Variants in FCHSD2 observed in about 807,000 individuals in gnomAD.
The protein encoded by FCHSD2 is FCH and double SH3 domains 2.
A neutral mutation model predicts 108.1 loss-of-function variants in FCHSD2; 38 were observed. The ratio of observed to expected loss-of-function variants is 0.35; its 90% CI spans 0.27 to 0.46. The LOEUF is 0.46. FCHSD2 is among the 20% of genes least tolerant of loss of function. FCHSD2 has a pLI of 1.00. For synonymous variants in FCHSD2, 279 were observed against 314.7 expected (o/e 0.89, Z 1.20); for missense variants, 751 against 897.8 (o/e 0.84, Z 2.09).
intron 12 of FCHSD2, among the ~76,000 whole-genome samples, chr11:72,868,885 T>A (rs1442998399): frequency 1.3e-5 from 2 of 152,110 alleles, no homozygotes; most frequent in African/African-American, 4.8e-5. Flanking sequence ...TAGCTTTTAC[T>A]TTTTAAGTTA....
intron 3 of FCHSD2, among the ~76,000 whole-genome samples, chr11:73,049,245 G>A (rs1455154836): frequency 6.6e-6 from 1 of 152,072 alleles, no homozygotes; most frequent in South Asian, 2.1e-4. Context: ...TGAGTGCCCA[G>A]TATATATGAA....
intron 10 of FCHSD2, among the ~76,000 whole-genome samples, chr11:72,901,870 T>C (rs1375976176): frequency 2.6e-5 from 4 of 152,090 alleles, no homozygotes; most frequent in Non-Finnish European, 4.4e-5. Flanking sequence ...TTCTGGTTTT[T>C]TTTTTGTTTG....
intron 9 of FCHSD2, among the ~76,000 whole-genome samples, chr11:72,907,318 C>G (rs543911195): frequency 2.7e-4 from 41 of 152,048 alleles, no homozygotes; most frequent in Non-Finnish European, 5.7e-4. Context: ...AATTGAATAC[C>G]CTTTATTTCT....
At chr11:72,935,639 A>C (rs1472688878) in intron 8 of FCHSD2, among the ~76,000 whole-genome samples, 2 of 152,242 alleles carry the variant, frequency 1.3e-5, no homozygotes, top group African/African-American at 2.4e-5. Flanking sequence ...TTTACAAGAA[A>C]TCAAAACAAG....
chr11:72,949,473 G>C (rs1856582473), intron 8 of FCHSD2, among the ~76,000 whole-genome samples: 1 of 151,462 alleles, frequency 6.6e-6, no homozygotes, highest in African/African-American at 2.4e-5. Context: ...GAAAAGAAAA[G>C]AAAGGAAAGA....
At chr11:72,896,988 G>A (rs954217441) in intron 10 of FCHSD2, among the ~76,000 whole-genome samples, 6 of 151,734 alleles carry the variant, frequency 4.0e-5, no homozygotes, top group East Asian at 3.9e-4. Flanking sequence ...CACCACGCCC[G>A]GCTAATTTTT....
intron 8 of FCHSD2, among the ~76,000 whole-genome samples, chr11:72,933,157 C>T (rs1237622473): frequency 2.0e-5 from 3 of 152,122 alleles, no homozygotes; most frequent in African/African-American, 7.2e-5. Context: ...GGCAGATATG[C>T]AAGACAGAAC....
At chr11:72,927,674 G>A (rs1591405540) in intron 8 of FCHSD2, among the ~76,000 whole-genome samples, 1 of 152,262 alleles carries the variant, frequency 6.6e-6, no homozygotes, top group East Asian at 1.9e-4. Context: ...CACTGGCCTG[G>A]GACCATACTT....
intron 8 of FCHSD2, among the ~76,000 whole-genome samples, chr11:72,967,302 G>A (rs1458550198): frequency 6.6e-6 from 1 of 152,048 alleles, no homozygotes; most frequent in Non-Finnish European, 1.5e-5. Flanking sequence ...TGTAGTGGGG[G>A]AAATAGATGA....
chr11:72,846,169 C>G (rs563862794), intron 14 of FCHSD2, among the ~76,000 whole-genome samples: 8 of 151,468 alleles, frequency 5.3e-5, no homozygotes, highest in Non-Finnish European at 1.2e-4. Flanking sequence ...GTAAGCTGCT[C>G]CTCCTTTTGC....
chr11:72,913,404 G>A (rs1366517591), intron 9 of FCHSD2, among the ~76,000 whole-genome samples: 1 of 152,170 alleles, frequency 6.6e-6, no homozygotes, highest in Non-Finnish European at 1.5e-5. Context: ...GAGCAGCTGG[G>A]ATTTCAGGCA....
intron 14 of FCHSD2, among the ~76,000 whole-genome samples, chr11:72,848,358 C>G (rs115480895): frequency 5.3e-4 from 80 of 152,332 alleles, no homozygotes; most frequent in African/African-American, 1.9e-3. Context: ...ACCTGCTGTT[C>G]TCTTTGCTTA....
chr11:72,838,668 T>C lies in FCHSD2; in HGVS notation c.*123A>G, dbSNP rs980132116. ...GTCTACCAGGCCACCCAGTCACACA[T>C]AATCCTCCTTGTTTTTTGCTCTGTT... On this transcript the variant is annotated 3_prime_UTR_variant, in exon 20 of 20. Transcript: ENST00000409418. 1.8e-5 allele frequency: 14 copies of C among 777,976 alleles called. No homozygotes were observed. The highest frequency in any genetic ancestry group is 2.2e-5 in the Non-Finnish European group (10 of 463,380). 48.2% of individuals were successfully genotyped at this position (777,976 alleles called of 1,614,324 possible). A position where few individuals can be genotyped will look rare whatever the true frequency, so the allele number is the denominator to read the frequency against.
intron 3 of FCHSD2, among the ~76,000 whole-genome samples, chr11:73,040,033 G>A (rs1858596716): frequency 6.6e-6 from 1 of 152,146 alleles, no homozygotes; most frequent in Non-Finnish European, 1.5e-5. Flanking sequence ...GAGGACTTAC[G>A]TTGAACACAA....
chr11:73,012,425 G>T (rs896785092), intron 4 of FCHSD2, among the ~76,000 whole-genome samples: 3 of 152,208 alleles, frequency 2.0e-5, no homozygotes, highest in African/African-American at 7.2e-5. Flanking sequence ...GTGAATGGAA[G>T]ATGCTTGGGA....
chr11:72,895,488 G>C (rs1855399389), intron 10 of FCHSD2, among the ~76,000 whole-genome samples: 1 of 152,122 alleles, frequency 6.6e-6, no homozygotes, highest in Non-Finnish European at 1.5e-5. Flanking sequence ...TATTTTGGTA[G>C]CTCTCACAGA....
chr11:73,059,322 T>C (rs567816148), intron 3 of FCHSD2, among the ~76,000 whole-genome samples: 1 of 152,262 alleles, frequency 6.6e-6, no homozygotes, highest in South Asian at 2.1e-4. Context: ...TTTTACACTA[T>C]AAAGTTGTTT....
rs1857779969 is a variant in FCHSD2 at position 73,008,060 on chromosome 11, AAGGGCTGGCTGCAGTGCCTCACGCCTGT to A, written c.243-6954_243-6927del. Among the ~76,000 whole-genome samples, 2 of 152,160 alleles carry A rather than the reference AAGGGCTGGCTGCAGTGCCTCACGCCTGT, an allele frequency of 1.3e-5. 1 individual carries two copies. The highest frequency in any genetic ancestry group is 4.8e-5 in the African/African-American group (2 of 41,436). ...CAAGACAACTCAGGACAATGTGATT[AAGGGCTGGCTGCAGTGCCTCACGCCTGT>A]AGCACTTTGAGAGGCTGAGGCAGGC... On this transcript the variant is annotated intron_variant, in intron 4 of 19. Transcript: ENST00000409418.
chr11:73,105,520 T>C (rs1860322723), intron 2 of FCHSD2, among the ~76,000 whole-genome samples: 1 of 152,214 alleles, frequency 6.6e-6, no homozygotes, highest in African/African-American at 2.4e-5. Context: ...AAGATCTAAA[T>C]CTTTCTAATC....
Sources: gnomAD v4.1 joint callset for allele counts (sites outside exome capture counted in the v4.1 genomes callset) on GRCh38, gnomAD v4.1.1 for gene constraint, MANE v1.5 for transcripts, NCBI Gene and HGNC (gene_info 2026-07-23, HGNC 2026-07-21) for gene names.